TGM3: variants seen among roughly 807,000 people sequenced by gnomAD.
TGM3 encodes the protein transglutaminase 3.
TGM3 carries 52 observed loss-of-function variants against 73.8 expected under a neutral mutation model. The ratio of observed to expected loss-of-function variants is 0.70; its 90% confidence interval spans 0.56 to 0.89. The LOEUF (loss-of-function observed/expected upper bound fraction) is 0.89, where lower values mean the gene tolerates loss of function less well. TGM3 is among the 40% of genes least tolerant of loss of function. The pLI is 0.00. For missense variants in TGM3, 928 were observed against 909.9 expected (o/e 1.02, Z -0.26); for synonymous variants, 372 against 354.9 (o/e 1.05, Z -0.54).
intron 7 of TGM3, 106 bp from the exon 8 acceptor site, chr20:2,325,743 C>T (rs1192054150): frequency 3.6e-5 from 29 of 799,778 alleles, no homozygotes; most frequent in South Asian, 2.8e-4. Context: ...CAAACTCACT[C>T]GATGCATGTT....
chr20:2,332,618 A>G lies in TGM3; in HGVS notation c.1642+308A>G, dbSNP rs1016642938. On this transcript the variant is annotated intron_variant, in intron 10 of 12. Coordinates refer to ENST00000381458, the MANE Select transcript of TGM3 (RefSeq NM_003245.4). This position sits in a 1 kb window ranked among gnomAD's most constrained non-coding sequence, Gnocchi z 4.4. ...AGTATATACCACCTCACACAGTTTG[A>G]CCGTCTAAAAAAAGGCAGATTTTCA... Among the ~76,000 whole-genome samples, 1 of 152,156 alleles carries G rather than the reference A, an allele frequency of 6.6e-6. No individual in the cohort carries two copies. The highest frequency in any genetic ancestry group is 6.5e-5 in the Admixed American group (1 of 15,274).
intron 4 of TGM3, among the ~76,000 whole-genome samples, chr20:2,312,099 G>A (rs367982352): frequency 1.2e-4 from 19 of 152,198 alleles, no homozygotes; most frequent in South Asian, 1.0e-3. Flanking sequence ...TCTCAATAAC[G>A]TGCTCAAGAT....
intron 1 of TGM3, among the ~76,000 whole-genome samples, chr20:2,309,321 C>A (rs1460293681): frequency 6.6e-6 from 1 of 152,136 alleles, no homozygotes; most frequent in South Asian, 2.1e-4. Flanking sequence ...CCTTAAGGGC[C>A]GAGTGACAGC....
chr20:2,309,289 T>G (rs1020829946), intron 1 of TGM3, among the ~76,000 whole-genome samples: 1 of 152,174 alleles, frequency 6.6e-6, no homozygotes, highest in Non-Finnish European at 1.5e-5. Context: ...TGGATGGAGC[T>G]CCACTGAACA....
chr20:2,332,194 G>A lies in TGM3; in HGVS notation c.1526G>A (p.Ser509Asn). The A allele has an allele frequency of 6.2e-7, 1 of 1,614,102 alleles. No homozygotes were observed. The highest frequency in any genetic ancestry group is 1.6e-4 in the Middle Eastern group (1 of 6,062). Residue 509 changes from serine (S) to asparagine (N), a missense_variant, in exon 10 of 13, where the codon AGC (serine) becomes AAC (asparagine). Transcript: ENST00000381458. This position sits in a 1 kb window ranked among gnomAD's most constrained non-coding sequence, Gnocchi z 4.4. ...VNLVLLLKNL[S>N]RDTKTVTVNM... ...CTGGTCCTACTGCTCAAAAACCTGA[G>A]CAGGGATACGAAGACAGTGACAGTG...
intron 9 of TGM3, among the ~76,000 whole-genome samples, chr20:2,330,599 G>A (rs2084314921): frequency 6.6e-6 from 1 of 152,256 alleles, no homozygotes; most frequent in African/African-American, 2.4e-5. Context: ...TGGACAAGTT[G>A]TGTCTCTTCT....
At position 2,309,781 on chromosome 20, in the gene TGM3, G is replaced by T; in HGVS notation, c.132G>T (p.Met44Ile). The change falls in exon 2 of 13, where the codon ATG becomes ATT. Residue 44 changes from methionine (M) to isoleucine (I), a missense_variant. Transcript: ENST00000381458. The part of the protein sequence containing the change: ...RGQNFQVLMI[M>I]NKGLGSNERL... ...AAAACTTCCAGGTCTTAATGATCATGAACAAAGGCCTTGGCTCTAACGAAA... is the reference window on the plus strand; with the variant it reads ...AAAACTTCCAGGTCTTAATGATCATTAACAAAGGCCTTGGCTCTAACGAAA... The T allele has an allele frequency of 6.2e-7, 1 of 1,614,202 alleles. No individual in the cohort carries two copies. The highest frequency in any genetic ancestry group is 1.1e-5 in the South Asian group (1 of 91,086).
chr20:2,335,414 G>A, intron 11 of TGM3, 141 bp downstream of exon 11: 2 of 1,061,400 alleles, frequency 1.9e-6, no homozygotes, highest in Non-Finnish European at 2.7e-6. Flanking sequence ...AGAGAACTGG[G>A]CCCAGCTTCG....
chr20:2,328,092 TA>T lies in TGM3; in HGVS notation c.1088-27del. ...CTGGGTAGGTTGTGGCCTTGGCATA[TA>T]TCCAGCCTCTGCATCTTGGCCTCCA... On this transcript the variant is annotated intron_variant, in intron 8 of 12. Coordinates refer to ENST00000381458, the MANE Select transcript of TGM3 (RefSeq NM_003245.4). This position sits in a 1 kb window ranked among gnomAD's most constrained non-coding sequence, Gnocchi z 5.2. 1 of 1,613,902 alleles carries T rather than the reference TA, an allele frequency of 6.2e-7. No individual in the cohort carries two copies. The highest frequency in any genetic ancestry group is 8.5e-7 in the Non-Finnish European group (1 of 1,179,874).
At chr20:2,300,232 G>GAAAT (rs1456926205) in intron 1 of TGM3, among the ~76,000 whole-genome samples, 2 of 37,996 alleles carry the variant, frequency 5.3e-5, no homozygotes, top group African/African-American at 8.5e-5. Context: ...AAGAAAGAAA[G>GAAAT]AAAAAAAGAA....
chr20:2,312,803 G>T, intron 4 of TGM3, 95 bp from the exon 5 acceptor site: 1 of 1,517,598 alleles, frequency 6.6e-7, no homozygotes, highest in South Asian at 1.2e-5. Context: ...CAAAGGATCT[G>T]ATAGTTCCTG....
At chr20:2,309,161 G>T (rs2084189744) in intron 1 of TGM3, among the ~76,000 whole-genome samples, 2 of 152,236 alleles carry the variant, frequency 1.3e-5, no homozygotes, top group Non-Finnish European at 2.9e-5. Flanking sequence ...TTACTGGCGT[G>T]AGCCACCACA....
chr20:2,308,442 G>C (rs1048235094), intron 1 of TGM3, among the ~76,000 whole-genome samples: 2 of 152,116 alleles, frequency 1.3e-5, no homozygotes, highest in Non-Finnish European at 2.9e-5. Context: ...TTATATCAGC[G>C]AACACCTGGT....
At chr20:2,315,188 C>T (rs1429380331) in intron 5 of TGM3, among the ~76,000 whole-genome samples, 1 of 152,156 alleles carries the variant, frequency 6.6e-6, no homozygotes, top group Non-Finnish European at 1.5e-5. Context: ...CTGACTCACT[C>T]GCACCCCAGG....
Position 2,296,152 on chromosome 20 carries a change from C to T in TGM3, c.7+82C>T, listed in dbSNP as rs575115894. ...GGCCAGCCTGCCAAGCCAGAGTGTC[C>T]GGCCAGGACAGCTGCCTGCCTTGGG... On this transcript the variant is annotated intron_variant, in intron 1 of 12. Coordinates refer to ENST00000381458, the MANE Select transcript of TGM3 (RefSeq NM_003245.4). 358 of 1,515,356 alleles carry T rather than the reference C, an allele frequency of 2.4e-4. No homozygotes were observed. In the African/African-American group the frequency reaches 4.4e-3, roughly 19 times the overall value. 93.9% of individuals were successfully genotyped at this position (1,515,356 alleles called of 1,614,324 possible). A position where few individuals can be genotyped will look rare whatever the true frequency, so the allele number is the denominator to read the frequency against.
At chr20:2,336,160 C>T (rs1243431080) in intron 11 of TGM3, among the ~76,000 whole-genome samples, 3 of 152,198 alleles carry the variant, frequency 2.0e-5, no homozygotes, top group Non-Finnish European at 2.9e-5. Context: ...TTCCTCAGCA[C>T]TGGTAGGAGC....
chr20:2,310,212 T>A lies in TGM3; in HGVS notation c.216T>A (p.Ala72=). The change falls in exon 3 of 13, where the codon GCT becomes GCA. Residue 72 remains alanine, a synonymous_variant. Coordinates refer to ENST00000381458, the MANE Select transcript of TGM3 (RefSeq NM_003245.4). The part of the protein sequence containing the change: ...PYPSESAMTK[A]VFPLSNGSSG... ...CCTCAGAGTCGGCCATGACGAAGGC[T>A]GTGTTTCCACTCTCCAATGGCAGTA... 1 of 1,614,248 alleles carries A rather than the reference T, an allele frequency of 6.2e-7. No homozygotes were observed. Among genetic ancestry groups the A allele is most frequent in the Non-Finnish European group, 8.5e-7 (1 of 1,180,046 alleles).
chr20:2,310,381 G>C lies in TGM3; in HGVS notation c.385G>C (p.Gly129Arg). ...GGGCGGCATCTCCTCTGTGAAACTTGGGACGTTCATACTGCTTTTTAACCC... is the reference window on the plus strand; with the variant it reads ...GGGCGGCATCTCCTCTGTGAAACTTCGGACGTTCATACTGCTTTTTAACCC... ...SQGGISSVKL[G>R]TFILLFNPWL... is the part of the protein sequence containing the mutation. The change falls in exon 3 of 13, where the codon GGG (glycine) becomes CGG (arginine). Residue 129 changes from glycine to arginine, a missense_variant. By Grantham distance (125) the Gly-to-Arg change is moderately radical (BLOSUM62 -2). Coordinates refer to ENST00000381458, the MANE Select transcript of TGM3 (RefSeq NM_003245.4). 1.9e-6 allele frequency: 3 copies of C among 1,614,196 alleles called. No individual in the cohort carries two copies. Among genetic ancestry groups the C allele is most frequent in the Non-Finnish European group, 2.5e-6 (3 of 1,180,028 alleles).
At chr20:2,319,281 A>G (rs1397844798) in intron 7 of TGM3, among the ~76,000 whole-genome samples, 2 of 152,146 alleles carry the variant, frequency 1.3e-5, no homozygotes, top group Non-Finnish European at 2.9e-5. Flanking sequence ...TATCCTGTAC[A>G]TTAGGAACTG....
Sources: gnomAD v4.1 joint callset for allele counts (sites outside exome capture counted in the v4.1 genomes callset) on GRCh38, gnomAD v4.1.1 for gene constraint, Gnocchi (gnomAD v3.1) non-coding constraint, MANE v1.5 for transcripts, NCBI Gene and HGNC (gene_info 2026-07-23, HGNC 2026-07-21) for gene names.